Variants in TLE4 observed in about 807,000 individuals in gnomAD.
TLE4 encodes the protein TLE family member 4, transcriptional corepressor.
A neutral mutation model predicts 92.8 loss-of-function variants in TLE4; 8 were observed. The observed-to-expected ratio is 0.09, with a 90% confidence interval of 0.05 to 0.16. TLE4 has a LOEUF of 0.16. TLE4 is among the 10% of genes least tolerant of loss of function. TLE4 has a pLI of 1.00. For missense variants in TLE4, 675 were observed against 997.6 expected (o/e 0.68, Z 4.36); for synonymous variants, 371 against 374.1 (o/e 0.99, Z 0.10).
At chr9:79,613,896 G>A (rs2048926398) in intron 5 of TLE4, among the ~76,000 whole-genome samples, 1 of 152,090 alleles carries the variant, frequency 6.6e-6, no homozygotes, top group African/African-American at 2.4e-5. Flanking sequence ...CACAAATCTT[G>A]TTGACACTCT....
chr9:79,675,530 G>T (rs1276885046), intron 8 of TLE4, among the ~76,000 whole-genome samples: 1 of 152,162 alleles, frequency 6.6e-6, no homozygotes, highest in African/African-American at 2.4e-5. Flanking sequence ...TTAAGACATG[G>T]AAATTAAATT....
intron 4 of TLE4, among the ~76,000 whole-genome samples, chr9:79,588,007 A>ATG (rs1227154083): frequency 6.6e-6 from 1 of 152,230 alleles, no homozygotes; most frequent in South Asian, 2.1e-4. Context: ...GGTTATATAT[A>ATG]GCTGGTAGGT....
intron 14 of TLE4, among the ~76,000 whole-genome samples, chr9:79,711,421 T>C (rs2073252067): frequency 6.6e-6 from 1 of 152,226 alleles, no homozygotes; most frequent in African/African-American, 2.4e-5. Flanking sequence ...AACAAGGTTA[T>C]ACAATTAATC....
chr9:79,573,798 G>A lies in TLE4; in HGVS notation c.143+12G>A. 1 of 1,541,922 alleles carries A rather than the reference G, an allele frequency of 6.5e-7. No homozygotes were observed. ...GCTCAATACCACAGGTAACGATATT[G>A]ACTTTAGCTGATCCTTCTGTTTGCT... On this transcript the variant is annotated intron_variant, in intron 2 of 19. Transcript: ENST00000376552.
At chr9:79,589,620 A>C (rs1022684381) in intron 4 of TLE4, among the ~76,000 whole-genome samples, 1 of 152,064 alleles carries the variant, frequency 6.6e-6, no homozygotes, top group African/African-American at 2.4e-5. Context: ...CCTGTCCCCC[A>C]TCGAAGTCAC....
chr9:79,612,618 G>A (rs1412168200), intron 4 of TLE4, 38 bp from the exon 5 acceptor site: 1 of 1,573,776 alleles, frequency 6.4e-7, no homozygotes, highest in Non-Finnish European at 8.7e-7. Flanking sequence ...CCAGCTGACT[G>A]TTCTCTTTAT....
At chr9:79,589,358 T>G (rs1397615505) in intron 4 of TLE4, among the ~76,000 whole-genome samples, 1 of 152,132 alleles carries the variant, frequency 6.6e-6, no homozygotes, top group Non-Finnish European at 1.5e-5. Context: ...AGAGTGGGGT[T>G]GGTGGTAGTT....
chr9:79,600,096 A>G (rs1237007720), intron 4 of TLE4, among the ~76,000 whole-genome samples: 2 of 152,238 alleles, frequency 1.3e-5, no homozygotes, highest in African/African-American at 4.8e-5. Flanking sequence ...GCAGTAATGC[A>G]TTCGTGGTTT....
At chr9:79,689,224 G>T (rs1328372946) in intron 8 of TLE4, among the ~76,000 whole-genome samples, 1 of 152,052 alleles carries the variant, frequency 6.6e-6, no homozygotes, top group Non-Finnish European at 1.5e-5. Context: ...GTAAGTGGAG[G>T]CTTTGCAAAG....
chr9:79,598,075 G>GAAAAAAAAAAAAAA (rs748860967), intron 4 of TLE4, among the ~76,000 whole-genome samples: 1 of 65,736 alleles, frequency 1.5e-5, no homozygotes, highest in Non-Finnish European at 3.0e-5. Context: ...TACTGAAAAA[G>GAAAAAAAAAAAAAA]AAAAAAAAAA....
chr9:79,597,626 C>A (rs2044353670), intron 4 of TLE4, among the ~76,000 whole-genome samples: 1 of 152,152 alleles, frequency 6.6e-6, no homozygotes, highest in South Asian at 2.1e-4. Flanking sequence ...AATGCCACCA[C>A]CATCCACCCA....
intron 16 of TLE4, among the ~76,000 whole-genome samples, chr9:79,721,492 T>C (rs1474521010): frequency 6.6e-6 from 1 of 152,174 alleles, no homozygotes; most frequent in East Asian, 1.9e-4. Context: ...ATTAGTAATA[T>C]CAGTCATGTT....
intron 4 of TLE4, among the ~76,000 whole-genome samples, chr9:79,592,485 AG>A (rs2042958494): frequency 6.6e-6 from 1 of 151,914 alleles, no homozygotes; most frequent in Non-Finnish European, 1.5e-5. Context: ...CTTGTTGCCC[AG>A]GCTAATCTCA....
intron 8 of TLE4, chr9:79,671,301 A>T (rs2062293535): frequency 2.2e-6 from 1 of 455,936 alleles, no homozygotes; most frequent in Admixed American, 2.3e-5. Context: ...ATTTTAAAAG[A>T]CATTCACCTG....
At chr9:79,647,145 CT>C (rs1378119430) in intron 6 of TLE4, among the ~76,000 whole-genome samples, 2 of 152,052 alleles carry the variant, frequency 1.3e-5, no homozygotes, top group Non-Finnish European at 2.9e-5. Flanking sequence ...CATAAAGTCT[CT>C]AGTTTGGTGA....
intron 3 of TLE4, among the ~76,000 whole-genome samples, chr9:79,575,299 C>A (rs1250991319): frequency 2.0e-5 from 3 of 152,006 alleles, no homozygotes; most frequent in African/African-American, 4.8e-5. Context: ...CAATTTTTGC[C>A]AGTTTTTCTG....
intron 8 of TLE4, chr9:79,668,923 C>A: frequency 2.7e-6 from 2 of 750,804 alleles, no homozygotes; most frequent in African/African-American, 1.9e-5. Context: ...GCATTTTATT[C>A]ATGAGGAATT....
intron 8 of TLE4, among the ~76,000 whole-genome samples, chr9:79,687,141 A>G (rs1416170725): frequency 2.0e-5 from 3 of 152,170 alleles, no homozygotes; most frequent in Non-Finnish European, 2.9e-5. Context: ...GTTTGCGTTT[A>G]TGTAGCCTAC....
chr9:79,700,444 T>C (rs1230740820), intron 8 of TLE4, among the ~76,000 whole-genome samples: 2 of 152,202 alleles, frequency 1.3e-5, no homozygotes, highest in Non-Finnish European at 2.9e-5. Flanking sequence ...GGGTGGGGCC[T>C]TCCCTTTCAA....
Sources: allele counts gnomAD v4.1 joint callset (sites outside exome capture counted in the v4.1 genomes callset), GRCh38; gene constraint gnomAD v4.1.1; transcripts MANE v1.5; gene names NCBI Gene and HGNC (gene_info 2026-07-23, HGNC 2026-07-21).